Variants in SMG6 observed in about 807,000 individuals in gnomAD.
The protein encoded by SMG6 is SMG6 nonsense mediated mRNA decay factor, also known as telomerase-binding protein EST1A.
Under a neutral mutation model 142.2 loss-of-function variants are expected in SMG6, and 66 were observed. The observed-to-expected ratio is 0.46, with a 90% CI of 0.38 to 0.57. The LOEUF is 0.57. Among genes scored for constraint, SMG6 ranks in the 20% least tolerant of loss-of-function variants. The pLI, the probability that SMG6 is intolerant of heterozygous loss-of-function variation, is 0.00. For synonymous variants in SMG6, 779 were observed against 702.4 expected (o/e 1.11, Z -1.72); for missense variants, 1,793 against 1,832.0 (o/e 0.98, Z 0.39).
intron 9 of SMG6, among the ~76,000 whole-genome samples, chr17:2,237,790 GAAGTCT>G (rs1424805163): frequency 6.6e-6 from 1 of 152,198 alleles, no homozygotes; most frequent in Non-Finnish European, 1.5e-5. Context: ...AACCACAGCT[GAAGTCT>G]TCAGAAATAA....
In SMG6 at chr17:2,185,521, T is replaced by C. The variant is rs200606499; in HGVS notation, c.3155+1142A>G. Reference sequence around the variant, plus strand: ...TAAAAAAAAGAAAAAGAAAAAGGTATACAAACACATAAACTGATCTACGTA... The same window carrying C: ...TAAAAAAAAGAAAAAGAAAAAGGTACACAAACACATAAACTGATCTACGTA... On this transcript the variant is annotated intron_variant, in intron 12 of 18. Coordinates refer to ENST00000263073, the MANE Select transcript of SMG6 (RefSeq NM_017575.5). Among the ~76,000 whole-genome samples the C allele has an allele frequency of 1.5e-4, 22 of 150,506 alleles. No homozygotes were observed. The East Asian group carries it at 4.3e-3, about 29-fold the overall frequency.
chr17:2,080,229 GCA>G (rs1323329008), intron 15 of SMG6, among the ~76,000 whole-genome samples: 1 of 151,878 alleles, frequency 6.6e-6, no homozygotes, highest in Non-Finnish European at 1.5e-5. Flanking sequence ...GACTGGCCTG[GCA>G]CACACAGCAA....
At chr17:2,200,275 G>A (rs1249934813) in intron 10 of SMG6, among the ~76,000 whole-genome samples, 1 of 151,868 alleles carries the variant, frequency 6.6e-6, no homozygotes, top group East Asian at 1.9e-4. Flanking sequence ...TTTATTTTAG[G>A]TAAACTTTGC....
At chr17:2,211,885 C>A (rs1244354721) in intron 10 of SMG6, among the ~76,000 whole-genome samples, 1 of 152,132 alleles carries the variant, frequency 6.6e-6, no homozygotes, top group African/African-American at 2.4e-5. Context: ...TCCAACTCTT[C>A]CTGCCCAACC....
At chr17:2,167,567 A>T (rs2071380046) in intron 13 of SMG6, among the ~76,000 whole-genome samples, 1 of 152,238 alleles carries the variant, frequency 6.6e-6, no homozygotes, top group African/African-American at 2.4e-5. Context: ...TTACCAGCTC[A>T]ACAAAACTCA....
At chr17:2,145,530 G>A (rs2070638602) in intron 13 of SMG6, among the ~76,000 whole-genome samples, 1 of 150,678 alleles carries the variant, frequency 6.6e-6, no homozygotes, top group Non-Finnish European at 1.5e-5. Flanking sequence ...AAAACCTCAT[G>A]TAGGGTGGGC....
chr17:2,111,804 G>A (rs913215521), intron 13 of SMG6, among the ~76,000 whole-genome samples: 1 of 152,312 alleles, frequency 6.6e-6, no homozygotes, highest in Admixed American at 6.5e-5. Context: ...GAAGGAAGGA[G>A]AACAGGCTTT....
At chr17:2,223,486 G>A (rs921250070) in intron 10 of SMG6, among the ~76,000 whole-genome samples, 3 of 152,076 alleles carry the variant, frequency 2.0e-5, no homozygotes, top group East Asian at 3.8e-4. Flanking sequence ...CAAGCAAACC[G>A]AATAGCACTA....
At chr17:2,187,650 G>A (rs118088845) in intron 11 of SMG6, among the ~76,000 whole-genome samples, 2,894 of 152,156 alleles carry the variant, frequency 0.019, 54 homozygotes, top group South Asian at 0.065. Flanking sequence ...TGGGGAATCC[G>A]GGTGAAGGGT....
At chr17:2,236,350 T>C (rs535340810) in intron 10 of SMG6, 142 bp downstream of exon 10, 2 of 658,758 alleles carry the variant, frequency 3.0e-6, no homozygotes, top group South Asian at 2.5e-5. Context: ...TCTGAGACAA[T>C]GGTAGGAAGC....
Position 2,085,945 on chromosome 17 carries a change from G to A in SMG6, c.3358-44C>T. ...AGAAGAAAAACAGCATTTTCTGAAAGGGAAGATGGAGACGAGATGTTGCTT... is the reference window on the plus strand; with the variant it reads ...AGAAGAAAAACAGCATTTTCTGAAAAGGAAGATGGAGACGAGATGTTGCTT... On this transcript the variant is annotated intron_variant, in intron 13 of 18. Coordinates refer to ENST00000263073, the MANE Select transcript of SMG6 (RefSeq NM_017575.5). The surrounding 1 kb of genome is among the most constrained non-coding windows in gnomAD (Gnocchi z 4.1). 6.3e-7 allele frequency: 1 copy of A among 1,594,104 alleles called. No individual in the cohort carries two copies.
chr17:2,194,583 T>G (rs1054780506), intron 10 of SMG6, among the ~76,000 whole-genome samples: 2 of 151,816 alleles, frequency 1.3e-5, no homozygotes, highest in African/African-American at 4.8e-5. Context: ...AATGGTGGCT[T>G]ACGCCTGTAA....
chr17:2,172,595 T>C (rs1053193412), intron 13 of SMG6, 63 bp downstream of exon 13: 1 of 1,563,440 alleles, frequency 6.4e-7, no homozygotes, highest in African/African-American at 1.4e-5. Flanking sequence ...TTCCCAAGAA[T>C]AAAAAAGTCT....
intron 12 of SMG6, 143 bp downstream of exon 12, chr17:2,186,520 T>C (rs2071990819): frequency 2.3e-6 from 2 of 884,982 alleles, no homozygotes; most frequent in East Asian, 2.7e-5. Flanking sequence ...AGGGAAGGTA[T>C]TCAAAAAAAG....
chr17:2,233,501 C>G (rs2073558115), intron 10 of SMG6: 1 of 152,428 alleles, frequency 6.6e-6, no homozygotes, highest in African/African-American at 2.4e-5. Context: ...AGAATGCAGA[C>G]TGGCCAGGGG....
At chr17:2,292,510 C>T in intron 6 of SMG6, 42 bp downstream of exon 6, 3 of 1,583,562 alleles carry the variant, frequency 1.9e-6, no homozygotes, top group Non-Finnish European at 2.6e-6. Flanking sequence ...TTGTAAGATA[C>T]TTCCTGCAAA....
chr17:2,164,532 C>G (rs1397866715), intron 13 of SMG6, among the ~76,000 whole-genome samples: 1 of 151,852 alleles, frequency 6.6e-6, no homozygotes, highest in Non-Finnish European at 1.5e-5. Flanking sequence ...CACTTGAACC[C>G]AGGAGGTGGA....
intron 9 of SMG6, among the ~76,000 whole-genome samples, chr17:2,244,320 T>C (rs1426221084): frequency 6.6e-6 from 1 of 152,012 alleles, no homozygotes; most frequent in Non-Finnish European, 1.5e-5. Flanking sequence ...CCCAGGGATT[T>C]AGCACAACTG....
chr17:2,230,222 G>GAAAAAAAAAAAAAAAAA (rs1491121338), intron 10 of SMG6, among the ~76,000 whole-genome samples: 1 of 29,848 alleles, frequency 3.4e-5, no homozygotes, highest in African/African-American at 1.4e-4. Flanking sequence ...AAAAAAAAAA[G>GAAAAAAAAAAAAAAAAA]GAAAAGAAAG....
Sources: allele counts gnomAD v4.1 joint callset (sites outside exome capture counted in the v4.1 genomes callset), GRCh38; gene constraint gnomAD v4.1.1; non-coding constraint Gnocchi (gnomAD v3.1); transcripts MANE v1.5; gene names NCBI Gene and HGNC (gene_info 2026-07-23, HGNC 2026-07-21).